DLG2: variants seen among roughly 807,000 people sequenced by gnomAD.
DLG2 encodes the protein discs large MAGUK scaffold protein 2.
A neutral mutation model predicts 132.5 loss-of-function variants in DLG2; 45 were observed. The observed-to-expected ratio is 0.34, with a 90% CI of 0.27 to 0.44. DLG2 has a LOEUF of 0.44. Ranked by LOEUF, DLG2 falls within the 20% of genes least tolerant of loss-of-function variation. The pLI is 1.00. For missense variants in DLG2, 1,045 were observed against 1,196.9 expected, an observed-to-expected ratio of 0.87 and a Z score of 1.87; for synonymous variants, 424 against 419.6, an observed-to-expected ratio of 1.01 and a Z score of -0.13.
intron 18 of DLG2, among the ~76,000 whole-genome samples, chr11:83,633,954 AAAAAAC>A (rs1372868877): frequency 2.7e-5 from 4 of 150,236 alleles, no homozygotes; most frequent in African/African-American, 1.0e-4. Flanking sequence ...AGCAAAAAGC[AAAAAAC>A]AAAAAACAAA....
rs148630612 is a variant in DLG2 at position 85,025,152 on chromosome 11, T to C, written c.357+86509A>G. Among the ~76,000 whole-genome samples, 209 of 152,338 alleles carry C rather than the reference T, an allele frequency of 1.4e-3. 2 individuals are homozygous for C. Among genetic ancestry groups the C allele is most frequent in the African/African-American group, 4.7e-3 (195 of 41,588 alleles). On this transcript the variant is annotated intron_variant, in intron 6 of 27. Coordinates refer to ENST00000376104, the MANE Select transcript of DLG2 (RefSeq NM_001142699.3). ...ATAATTGTAGATAAATTTTCCATTG[T>C]ATCTCGCAAGAACACAGATACATAC...
chr11:83,872,220 GC>G (rs1424236368), intron 16 of DLG2, among the ~76,000 whole-genome samples: 1 of 152,152 alleles, frequency 6.6e-6, no homozygotes, highest in Non-Finnish European at 1.5e-5. Context: ...CCGAGATCAC[GC>G]CACTTCACTT....
chr11:83,631,115 C>T (rs541850545), intron 19 of DLG2: 7 of 142,854 alleles, frequency 4.9e-5, no homozygotes, highest in African/African-American at 7.6e-5. Context: ...TACAAAGGTA[C>T]AAACTTGTTG....
intron 4 of DLG2, among the ~76,000 whole-genome samples, chr11:85,226,106 T>C (rs1452074680): frequency 6.6e-6 from 1 of 151,850 alleles, no homozygotes; most frequent in South Asian, 2.1e-4. Flanking sequence ...TTGCTCTGCA[T>C]ATCCATAGTG....
At chr11:83,542,517 G>A (rs1356556642) in intron 19 of DLG2, among the ~76,000 whole-genome samples, 1 of 152,084 alleles carries the variant, frequency 6.6e-6, no homozygotes, top group African/African-American at 2.4e-5. Flanking sequence ...TAAACAACAC[G>A]ACAAATATTT....
chr11:85,027,554 A>G (rs1157152152), intron 6 of DLG2, among the ~76,000 whole-genome samples: 1 of 152,234 alleles, frequency 6.6e-6, no homozygotes, highest in Non-Finnish European at 1.5e-5. Flanking sequence ...GGAGCCAGGC[A>G]CGGAGTGGCA....
intron 7 of DLG2, among the ~76,000 whole-genome samples, chr11:84,467,401 T>C (rs534324067): frequency 6.6e-6 from 1 of 151,540 alleles, no homozygotes; most frequent in South Asian, 2.1e-4. Flanking sequence ...AAAAATGCCA[T>C]GTAGAAGAAA....
intron 9 of DLG2, among the ~76,000 whole-genome samples, chr11:84,138,434 C>A (rs543537630): frequency 6.6e-6 from 1 of 152,260 alleles, no homozygotes; most frequent in Admixed American, 6.5e-5. Flanking sequence ...CCTCGAGGTT[C>A]CACCAAACAT....
intron 7 of DLG2, among the ~76,000 whole-genome samples, chr11:84,369,016 A>G (rs1263786508): frequency 1.3e-5 from 2 of 152,144 alleles, no homozygotes; most frequent in Non-Finnish European, 2.9e-5. Context: ...TTCACAATGT[A>G]ATGGCTTTGC....
chr11:84,731,098 T>A (rs1326422367), intron 6 of DLG2, among the ~76,000 whole-genome samples: 1 of 152,082 alleles, frequency 6.6e-6, no homozygotes, highest in African/African-American at 2.4e-5. Context: ...TTGTATTACA[T>A]GAATGCTGGT....
At chr11:85,103,450 T>C (rs2071211973) in intron 6 of DLG2, among the ~76,000 whole-genome samples, 1 of 151,966 alleles carries the variant, frequency 6.6e-6, no homozygotes, top group South Asian at 2.1e-4. Context: ...AATGGACACT[T>C]ATACTTACAG....
chr11:85,093,154 T>C (rs2069094781), intron 6 of DLG2, among the ~76,000 whole-genome samples: 1 of 152,214 alleles, frequency 6.6e-6, no homozygotes, highest in Non-Finnish European at 1.5e-5. Context: ...CTAGAAGAAC[T>C]TCTATATCAG....
intron 6 of DLG2, among the ~76,000 whole-genome samples, chr11:84,710,552 AAT>A (rs1432738305): frequency 2.0e-5 from 3 of 151,952 alleles, no homozygotes; most frequent in Non-Finnish European, 1.5e-5. Context: ...ATTATTTGAT[AAT>A]ATGATAGTAT....
At chr11:85,255,613 A>G (rs2076628211) in intron 4 of DLG2, among the ~76,000 whole-genome samples, 2 of 152,238 alleles carry the variant, frequency 1.3e-5, no homozygotes, top group South Asian at 4.1e-4. Flanking sequence ...ATCTAAATTA[A>G]CAGAATCTTA....
At chr11:83,934,519 T>TA (rs1565704685) in intron 14 of DLG2, among the ~76,000 whole-genome samples, 2 of 152,184 alleles carry the variant, frequency 1.3e-5, no homozygotes, top group African/African-American at 4.8e-5. Context: ...GTATCAGAGA[T>TA]AATGTTTAAG....
chr11:84,881,479 T>C (rs1436116189), intron 6 of DLG2, among the ~76,000 whole-genome samples: 2 of 152,122 alleles, frequency 1.3e-5, no homozygotes, highest in Non-Finnish European at 2.9e-5. Context: ...AAAGCCACCT[T>C]AGTCAACCCA....
intron 18 of DLG2, among the ~76,000 whole-genome samples, chr11:83,749,963 T>C (rs1163869066): frequency 2.0e-5 from 3 of 152,214 alleles, no homozygotes; most frequent in Non-Finnish European, 4.4e-5. Flanking sequence ...ACCTGTGCCA[T>C]TGAATAAACA....
chr11:85,553,438 C>A (rs2076773309), intron 3 of DLG2, among the ~76,000 whole-genome samples: 1 of 150,130 alleles, frequency 6.7e-6, no homozygotes. Flanking sequence ...TGGACTATAA[C>A]AAGTGCTTTT....
chr11:83,708,858 G>A (rs1329422634), intron 18 of DLG2, among the ~76,000 whole-genome samples: 1 of 152,062 alleles, frequency 6.6e-6, no homozygotes, highest in Admixed American at 6.6e-5. Context: ...ATTCTCTTTG[G>A]ATCATGAGAG....
Sources: gnomAD v4.1 joint callset for allele counts (sites outside exome capture counted in the v4.1 genomes callset) on GRCh38, gnomAD v4.1.1 for gene constraint, MANE v1.5 for transcripts, NCBI Gene and HGNC (gene_info 2026-07-23, HGNC 2026-07-21) for gene names.